ZFYVE1: variants seen among roughly 807,000 people sequenced by gnomAD.
ZFYVE1 encodes zinc finger FYVE-type containing 1, also known as zinc finger FYVE domain-containing protein 1.
In ZFYVE1, 30 loss-of-function variants were observed where a neutral mutation model predicts 74.4. The observed-to-expected ratio is 0.40, with a 90% CI of 0.30 to 0.55. The LOEUF (loss-of-function observed/expected upper bound fraction) is 0.55, where lower values mean the gene tolerates loss of function less well. ZFYVE1 is among the 20% of genes least tolerant of loss of function. The pLI is 0.42. For synonymous variants in ZFYVE1, 335 were observed against 385.1 expected, an observed-to-expected ratio of 0.87 and a Z score of 1.52; for missense variants, 703 against 1,011.6, an observed-to-expected ratio of 0.69 and a Z score of 4.14.
In ZFYVE1 at chr14:72,975,037, C is replaced by A. The variant is rs948162261; in HGVS notation, c.1807-78G>T. 6.8e-6 allele frequency: 10 copies of A among 1,473,606 alleles called. No individual in the cohort carries two copies. The highest frequency in any genetic ancestry group is 8.2e-6 in the Non-Finnish European group (9 of 1,100,162). 91.3% of individuals were successfully genotyped at this position (1,473,606 alleles called of 1,614,324 possible). On this transcript the variant is annotated intron_variant, in intron 9 of 11. Coordinates refer to ENST00000556143, the MANE Select transcript of ZFYVE1 (RefSeq NM_021260.4). This position sits in a 1 kb window ranked among gnomAD's most constrained non-coding sequence, Gnocchi z 4.1. ...GCTCAGCTGAGAAAGTCAACAAGAC[C>A]CCGGAGCAAGCAGAAACTAAGGCAG...
At chr14:72,997,725 C>T in intron 3 of ZFYVE1, 86 bp downstream of exon 3, 3 of 1,483,464 alleles carry the variant, frequency 2.0e-6, no homozygotes, top group Non-Finnish European at 2.7e-6. Flanking sequence ...GGGCAATCCA[C>T]TACCAACAAG....
At chr14:72,982,847 C>T (rs1399335664) in intron 4 of ZFYVE1, among the ~76,000 whole-genome samples, 2 of 146,724 alleles carry the variant, frequency 1.4e-5, no homozygotes, top group African/African-American at 5.0e-5. Flanking sequence ...ACAATTAGAA[C>T]TTTTTTTTTT....
chr14:73,000,882 C>T (rs543882725), intron 2 of ZFYVE1, among the ~76,000 whole-genome samples: 59 of 152,192 alleles, frequency 3.9e-4, no homozygotes, highest in Admixed American at 2.1e-3. Flanking sequence ...TGAGTTACCA[C>T]GCAGCCATAA....
intron 11 of ZFYVE1, among the ~76,000 whole-genome samples, chr14:72,972,736 C>G (rs1046037533): frequency 6.7e-6 from 1 of 148,410 alleles, no homozygotes; most frequent in African/African-American, 2.5e-5. Context: ...GAGACAGAGT[C>G]TCGCTCTGTT....
intron 2 of ZFYVE1, among the ~76,000 whole-genome samples, chr14:73,017,539 T>C (rs2140387191): frequency 6.6e-6 from 1 of 152,364 alleles, no homozygotes; most frequent in East Asian, 1.9e-4. Context: ...CTTAGTTTTA[T>C]CAATTTCACA....
intron 11 of ZFYVE1, among the ~76,000 whole-genome samples, chr14:72,972,372 C>A (rs1478778745): frequency 6.6e-6 from 1 of 152,228 alleles, no homozygotes; most frequent in Admixed American, 6.5e-5. Flanking sequence ...TTGGTGAGCA[C>A]AGCCAGCAGG....
intron 2 of ZFYVE1, among the ~76,000 whole-genome samples, chr14:73,007,992 C>T (rs1004970608): frequency 1.3e-5 from 2 of 152,276 alleles, no homozygotes; most frequent in Non-Finnish European, 2.9e-5. Flanking sequence ...TTGGCAGGGG[C>T]AAAGATCACT....
In ZFYVE1 at chr14:73,024,551, T is replaced by C; in HGVS notation, c.-43A>G. The C allele has an allele frequency of 6.5e-7, 1 of 1,537,398 alleles. No individual in the cohort carries two copies. The highest frequency in any genetic ancestry group is 1.3e-5 in the South Asian group (1 of 78,024). ...AACACACCCACCATATAATAGTCAC[T>C]GAGCTTGCCCCGGGGGTGAAGACGA... On this transcript the variant is annotated 5_prime_UTR_variant, in exon 2 of 12. Transcript: ENST00000556143.
chr14:72,978,347 G>T, intron 6 of ZFYVE1, 113 bp from the exon 7 acceptor site: 1 of 959,124 alleles, frequency 1.0e-6, no homozygotes, highest in South Asian at 1.5e-5. Flanking sequence ...CAAGCAATCT[G>T]CCCGATCTCA....
rs781234554 is a variant in ZFYVE1 at position 72,993,139 on chromosome 14, T to C, written c.1203+4A>G. 6.9e-6 allele frequency: 11 copies of C among 1,593,300 alleles called. No homozygotes were observed. The Admixed American group carries it at 1.7e-4, about 25-fold the overall frequency. Reference sequence around the variant, plus strand: ...AGAAGCCCTTGGGGCACAAGCCAACTGACCTTCAGGGCTTTGAAGATGACT... The same window carrying C: ...AGAAGCCCTTGGGGCACAAGCCAACCGACCTTCAGGGCTTTGAAGATGACT... On this transcript the variant is annotated splice_donor_region_variant and intron_variant, in intron 4 of 11. Transcript: ENST00000556143.
In ZFYVE1 at chr14:72,994,206, C is replaced by G. The variant is rs184583465; in HGVS notation, c.989-849G>C. 2.5e-3 allele frequency among the ~76,000 whole-genome samples: 370 copies of G among 149,706 alleles called. 1 individual carries two copies. Among genetic ancestry groups the G allele is most frequent in the Non-Finnish European group, 4.4e-3 (300 of 67,620 alleles). Reference sequence around the variant, plus strand: ...GGCCTAGTGGTGCACGCCTGTAATCCCAGCTACTCAGGATGCTGAGGCAGA... The same window carrying G: ...GGCCTAGTGGTGCACGCCTGTAATCGCAGCTACTCAGGATGCTGAGGCAGA... On this transcript the variant is annotated intron_variant, in intron 3 of 11. Coordinates refer to ENST00000556143, the MANE Select transcript of ZFYVE1 (RefSeq NM_021260.4).
rs763664432 is a variant in ZFYVE1, at chr14:72,971,099, G to A, written c.2117C>T (p.Ala706Val). 3.6e-5 allele frequency: 58 copies of A among 1,614,016 alleles called. No individual in the cohort carries two copies. Among genetic ancestry groups the A allele is most frequent in the African/African-American group, 6.7e-5 (5 of 74,930 alleles). ...AGGCACCCAGTACGCAGGCCTGGCC[G>A]CGTCCTTTACCAGACCTAAGGCAGG... is the stretch of plus-strand genomic sequence containing the variant. ...IDIPLGLVKDAARPAYWVPDH... is the reference protein window; with the variant it reads ...IDIPLGLVKDVARPAYWVPDH... The change falls in exon 12 of 12, where the codon GCG becomes GTG. Residue 706 changes from alanine to valine, a missense_variant. Physicochemically the swap from Ala to Val is moderately conservative, Grantham distance 64. Transcript: ENST00000556143.
chr14:72,989,797 CAAAAGAAAAAAAAAGA>C (rs1420788462), intron 4 of ZFYVE1, among the ~76,000 whole-genome samples: 2 of 144,288 alleles, frequency 1.4e-5, no homozygotes, highest in Non-Finnish European at 1.5e-5. Flanking sequence ...GACCCTGTCT[CAAAAGAAAAAAAAAGA>C]AAAAGAAAAA....
chr14:73,024,542 A>C lies in ZFYVE1; in HGVS notation c.-34T>G. The C allele has an allele frequency of 1.3e-6, 2 of 1,547,334 alleles. No individual in the cohort carries two copies. Among genetic ancestry groups the C allele is most frequent in the Non-Finnish European group, 1.7e-6 (2 of 1,147,452 alleles). ...TGGTAAGGAAACACACCCACCATATAATAGTCACTGAGCTTGCCCCGGGGG... is the reference window on the plus strand; with the variant it reads ...TGGTAAGGAAACACACCCACCATATCATAGTCACTGAGCTTGCCCCGGGGG... On this transcript the variant is annotated 5_prime_UTR_variant, in exon 2 of 12. The change creates a new upstream start codon in the 5' untranslated region. Transcript: ENST00000556143.
chr14:72,995,884 G>C (rs1356913161), intron 3 of ZFYVE1, among the ~76,000 whole-genome samples: 2 of 152,098 alleles, frequency 1.3e-5, no homozygotes, highest in Non-Finnish European at 2.9e-5. Flanking sequence ...CTTCTCACTT[G>C]AGTGACTTGA....
chr14:73,023,909 G>A (rs1894398040), intron 2 of ZFYVE1, 117 bp downstream of exon 2: 2 of 1,409,812 alleles, frequency 1.4e-6, no homozygotes, highest in African/African-American at 1.4e-5. Context: ...GCCTCCAGAG[G>A]TCTTGCCTTT....
chr14:72,974,026 T>A, intron 11 of ZFYVE1, 54 bp downstream of exon 11: 2 of 1,554,598 alleles, frequency 1.3e-6, no homozygotes, highest in Non-Finnish European at 1.8e-6. Flanking sequence ...CCAGGGCACC[T>A]GAAACCCCTC....
intron 2 of ZFYVE1, among the ~76,000 whole-genome samples, chr14:73,002,943 C>T (rs1334979751): frequency 4.0e-5 from 6 of 151,182 alleles, no homozygotes; most frequent in African/African-American, 9.7e-5. Context: ...GGGGTTTCAG[C>T]GTGTTAGCCA....
At chr14:73,006,161 C>A (rs974059732) in intron 2 of ZFYVE1, among the ~76,000 whole-genome samples, 1 of 151,964 alleles carries the variant, frequency 6.6e-6, no homozygotes, top group African/African-American at 2.4e-5. Flanking sequence ...CCTCGTGATC[C>A]GCCCGCCTGG....
Sources: gnomAD v4.1 joint callset for allele counts (sites outside exome capture counted in the v4.1 genomes callset) on GRCh38, gnomAD v4.1.1 for gene constraint, Gnocchi (gnomAD v3.1) non-coding constraint, MANE v1.5 for transcripts, NCBI Gene and HGNC (gene_info 2026-07-23, HGNC 2026-07-21) for gene names.